HEATR4: variants seen among roughly 807,000 people sequenced by gnomAD.
The protein encoded by HEATR4 is HEAT repeat containing 4.
Under a neutral mutation model 108.8 loss-of-function variants are expected in HEATR4, and 95 were observed. The ratio of observed to expected loss-of-function variants is 0.87; its 90% CI spans 0.74 to 1.04. The LOEUF (loss-of-function observed/expected upper bound fraction) is 1.04, where lower values mean the gene tolerates loss of function less well. Among genes scored for constraint, HEATR4 ranks in the 50% least tolerant of loss-of-function variants. The pLI is 0.00. For synonymous variants in HEATR4, 443 were observed against 459.4 expected (o/e 0.96, Z 0.46); for missense variants, 1,152 against 1,253.8 (o/e 0.92, Z 1.23).
Position 73,522,337 on chromosome 14 carries a change from A to G in HEATR4, c.816T>C (p.Asp272=), listed in dbSNP as rs1170857110. ...CCTGTGGGGGCAGGATGACACTTTG[A>G]TCCTCAAACTCTGCTGTCTCTTCTG... The part of the protein sequence containing the change: ...LEAEETAEFE[D]QSVILPPQEK... Residue 272 remains aspartate, a synonymous_variant, in exon 3 of 18, where the codon GAT becomes GAC. Transcript: ENST00000553558. 1 of 1,614,178 alleles carries G rather than the reference A, an allele frequency of 6.2e-7. No individual in the cohort carries two copies. The highest frequency in any genetic ancestry group is 1.3e-5 in the African/African-American group (1 of 75,026).
chr14:73,533,780 G>C (rs1888780577), intron 1 of HEATR4, among the ~76,000 whole-genome samples: 1 of 108,730 alleles, frequency 9.2e-6, no homozygotes, highest in African/African-American at 3.0e-5. Flanking sequence ...TGTTCCAGCA[G>C]CTCATGCGTG....
In HEATR4 at chr14:73,522,987, G is replaced by A. The variant is rs756662185; in HGVS notation, c.166C>T (p.Arg56Cys). 20 of 1,614,104 alleles carry A rather than the reference G, an allele frequency of 1.2e-5. No individual in the cohort carries two copies. Among genetic ancestry groups the A allele is most frequent in the Admixed American group, 3.3e-5 (2 of 60,000 alleles). Residue 56 changes from arginine (R) to cysteine (C), a missense_variant, in exon 3 of 18, where the codon CGT (arginine) becomes TGT (cysteine). Coordinates refer to ENST00000553558, the MANE Select transcript of HEATR4 (RefSeq NM_001220484.1). ...AAATATTGGCTCTTGCGGTGTAGAC[G>A]GTACTGTGAGCTGAAGAAGACCATA... Reference protein sequence around the residue: ...VPMVFFSSQYRLHRKSQYLKM... With the variant: ...VPMVFFSSQYCLHRKSQYLKM...
chr14:73,608,131 G>T, the HEATR4 span, among the ~76,000 whole-genome samples: 1 of 151,336 alleles, frequency 6.6e-6, no homozygotes, highest in African/African-American at 2.4e-5. Flanking sequence ...CACCATCTTG[G>T]CCAGGCTGAT....
At position 73,523,171 on chromosome 14, in the gene HEATR4, C is replaced by G; in HGVS notation, c.-19G>C. On this transcript the variant is annotated 5_prime_UTR_variant, in exon 3 of 18. Transcript: ENST00000553558. ...TGGTCATACCGCGTCCCAGCAAATG[C>G]TTCCTTCCACACTGCCTGGCCTAGA... The G allele has an allele frequency of 6.4e-7, 1 of 1,552,414 alleles. No homozygotes were observed. The highest frequency in any genetic ancestry group is 8.7e-7 in the Non-Finnish European group (1 of 1,155,244).
In HEATR4 at chr14:73,478,804, A is replaced by G; in HGVS notation, c.2883T>C (p.Ser961=). Residue 961 remains serine (S), a synonymous_variant, in exon 18 of 18, where the codon AGT becomes AGC. Transcript: ENST00000553558. The part of the protein sequence containing the change: ...KPRAPNPWLQ[S]SVPGLTTRSK... The stretch of plus-strand genomic sequence containing the variant: ...TTCGTGTGGTTAGGCCTGGGACTGA[A>G]CTTTGTAACCAGGGATTTGGTGCGC... 6.2e-7 allele frequency: 1 copy of G among 1,610,528 alleles called. No individual in the cohort carries two copies. The highest frequency in any genetic ancestry group is 8.5e-7 in the Non-Finnish European group (1 of 1,178,168).
chr14:73,580,658 T>C, the HEATR4 span: 2 of 152,206 alleles, frequency 1.3e-5, no homozygotes, highest in South Asian at 2.1e-4. Flanking sequence ...AAGGAGCCAG[T>C]GCCATCATGG....
intron 2 of HEATR4, among the ~76,000 whole-genome samples, chr14:73,525,890 T>A (rs1888299236): frequency 6.6e-6 from 1 of 151,148 alleles, no homozygotes; most frequent in South Asian, 2.1e-4. Context: ...GAAGCAGAGG[T>A]TGCAGTGAGA....
chr14:73,553,536 T>C lies in HEATR4; in HGVS notation c.-152+5215A>G, dbSNP rs184265174. On this transcript the variant is annotated intron_variant, in intron 1 of 17. Transcript: ENST00000553558. ...CAAAAAAAATTAAAATAAAAAAGTATTATCACATTGGGTATTAGGTTTGTT... is the reference window on the plus strand; with the variant it reads ...CAAAAAAAATTAAAATAAAAAAGTACTATCACATTGGGTATTAGGTTTGTT... 3.7e-4 allele frequency among the ~76,000 whole-genome samples: 42 copies of C among 114,674 alleles called. 8 individuals are homozygous for C. Among genetic ancestry groups the C allele is most frequent in the African/African-American group, 1.2e-3 (42 of 35,702 alleles). 75.2% of individuals were successfully genotyped at this position (114,674 alleles called of 152,430 possible).
the HEATR4 span, among the ~76,000 whole-genome samples, chr14:73,583,171 G>A: frequency 9.2e-5 from 14 of 151,980 alleles, no homozygotes; most frequent in East Asian, 1.2e-3. Flanking sequence ...GTGAAACACC[G>A]TCTGTACTAA....
chr14:73,617,391 G>T, the HEATR4 span, among the ~76,000 whole-genome samples: 3 of 152,064 alleles, frequency 2.0e-5, no homozygotes, highest in Admixed American at 6.6e-5. Flanking sequence ...GAGGCCGGGG[G>T]ATTGCTTGAC....
chr14:73,624,544 G>A, the HEATR4 span, among the ~76,000 whole-genome samples: 1 of 152,160 alleles, frequency 6.6e-6, no homozygotes, highest in Non-Finnish European at 1.5e-5. Context: ...CAAGGCTACA[G>A]TGAACCATGA....
At chr14:73,609,731 C>T in the HEATR4 span, among the ~76,000 whole-genome samples, 1 of 152,178 alleles carries the variant, frequency 6.6e-6, no homozygotes, top group Non-Finnish European at 1.5e-5. Flanking sequence ...ACCTCTGCCT[C>T]CCGGGTTCAA....
At chr14:73,537,496 C>T (rs1460755183) in intron 1 of HEATR4, 72 of 1,219,294 alleles carry the variant, frequency 5.9e-5, no homozygotes, top group Middle Eastern at 2.9e-4. Context: ...CCGTGCGCGG[C>T]CTAGCCCCGG....
chr14:73,514,102 T>A lies in HEATR4; in HGVS notation c.1343A>T (p.Gln448Leu). The A allele has an allele frequency of 6.2e-7, 1 of 1,614,228 alleles. No individual in the cohort carries two copies. The highest frequency in any genetic ancestry group is 1.1e-5 in the South Asian group (1 of 91,088). The change falls in exon 6 of 18, where the codon CAG becomes CTG. Residue 448 changes from glutamine (Q) to leucine (L), a missense_variant. Gln to Leu is a moderately radical substitution (Grantham distance 113). Coordinates refer to ENST00000553558, the MANE Select transcript of HEATR4 (RefSeq NM_001220484.1). ...RRLKKQAKSL[Q>L]EDVTWELVVL... The stretch of plus-strand genomic sequence containing the variant: ...CACCAGTTCCCAGGTCACATCCTCC[T>A]GCAGTGATTTTGCCTGCTTCTTCAA...
rs1242510715 is a variant in HEATR4, at chr14:73,519,154, T to G, written c.1079A>C (p.Gln360Pro). The change falls in exon 5 of 18, where the codon CAG becomes CCG. Residue 360 changes from glutamine (Q) to proline (P), a missense_variant. Transcript: ENST00000553558. ...CTTTGCACCAATCTGGTGGATGATC[T>G]GGACTTCATCTGTGAACAGACAAAG... ...FEQEIYFDEV[Q>P]IIHQIGAKRD... The G allele has an allele frequency of 1.2e-6, 2 of 1,612,842 alleles. No individual in the cohort carries two copies. The highest frequency in any genetic ancestry group is 2.7e-5 in the African/African-American group (2 of 74,872).
chr14:73,492,923 A>T lies in HEATR4; in HGVS notation c.2844+143T>A. 1.9e-6 allele frequency: 3 copies of T among 1,612,938 alleles called. No individual in the cohort carries two copies. The highest frequency in any genetic ancestry group is 2.5e-6 in the Non-Finnish European group (3 of 1,179,656). On this transcript the variant is annotated intron_variant, in intron 17 of 17. Coordinates refer to ENST00000553558, the MANE Select transcript of HEATR4 (RefSeq NM_001220484.1). This position sits in a 1 kb window ranked among gnomAD's most constrained non-coding sequence, Gnocchi z 4.9. ...TGATAAGGGGCTGCTGCTCACTAAGATGCCTCTAGCCCTAAATTAGTTTCT... is the reference window on the plus strand; with the variant it reads ...TGATAAGGGGCTGCTGCTCACTAAGTTGCCTCTAGCCCTAAATTAGTTTCT...
In HEATR4 at chr14:73,523,127, G is replaced by A. The variant is rs1370605407; in HGVS notation, c.26C>T (p.Thr9Ile). The change falls in exon 3 of 18, where the codon ACC (threonine) becomes ATC (isoleucine). Residue 9 changes from threonine (T) to isoleucine (I), a missense_variant. By Grantham distance (89) the Thr-to-Ile change is moderately conservative. Transcript: ENST00000553558. MTRTQKGKTFLPHCFYQSL... is the reference protein window; with the variant it reads MTRTQKGKIFLPHCFYQSL... The stretch of plus-strand genomic sequence containing the variant: ...CTGATAGAAGCAATGGGGGAGAAAG[G>A]TCTTTCCCTTCTGGGTCCTGGTCAT... The A allele has an allele frequency of 1.9e-6, 3 of 1,603,796 alleles. No individual in the cohort carries two copies. Among genetic ancestry groups the A allele is most frequent in the South Asian group, 1.1e-5 (1 of 90,966 alleles).
At chr14:73,589,362 G>C in the HEATR4 span, among the ~76,000 whole-genome samples, 1 of 150,820 alleles carries the variant, frequency 6.6e-6, no homozygotes, top group African/African-American at 2.4e-5. Context: ...CTCTGTCACC[G>C]ATGCTGTAGT....
the HEATR4 span, chr14:73,595,504 T>G: frequency 6.2e-7 from 1 of 1,613,786 alleles, no homozygotes; most frequent in South Asian, 1.1e-5. Context: ...TGTGCCCAGC[T>G]TCCCTTCACA....
Sources: allele counts gnomAD v4.1 joint callset (sites outside exome capture counted in the v4.1 genomes callset), GRCh38; gene constraint gnomAD v4.1.1; non-coding constraint Gnocchi (gnomAD v3.1); transcripts MANE v1.5; gene names NCBI Gene and HGNC (gene_info 2026-07-23, HGNC 2026-07-21).